The following SBK1 variants were observed in gnomAD, a reference collection of about 807,000 sequenced individuals.
SBK1 encodes the protein serine/threonine-protein kinase SBK1.
Under a neutral mutation model 24.4 loss-of-function variants are expected in SBK1, and 11 were observed. That is an observed-to-expected ratio of 0.45 (90% confidence interval 0.28 to 0.75). The LOEUF (loss-of-function observed/expected upper bound fraction) is 0.75. SBK1 is among the 30% of genes least tolerant of loss of function. The pLI is 0.12. For missense variants in SBK1, 467 were observed against 620.5 expected (o/e 0.75, Z 2.63); for synonymous variants, 308 against 284.4 (o/e 1.08, Z -0.83).
At chr16:28,283,917 A>G (rs1473394120) in intron 1 of SBK1, among the ~76,000 whole-genome samples, 1 of 151,750 alleles carries the variant, frequency 6.6e-6, no homozygotes, top group African/African-American at 2.4e-5. Flanking sequence ...GCTGGCATCC[A>G]GAGTGCTGCC....
intron 1 of SBK1, among the ~76,000 whole-genome samples, chr16:28,274,728 G>GA (rs963184904): frequency 8.7e-5 from 13 of 150,046 alleles, no homozygotes; most frequent in South Asian, 2.1e-4. Flanking sequence ...GCCTATTATT[G>GA]AAAAAAAAAG....
At chr16:28,288,591 T>C (rs117076928), upstream of SBK1, among the ~76,000 whole-genome samples, 5,841 of 152,364 alleles carry the variant, frequency 0.038, 187 homozygotes, top group Middle Eastern at 0.11. Context: ...CACCGTCGCC[T>C]TGGCAGGCCT....
chr16:28,304,600 G>T (rs931360005), intron 1 of SBK1, among the ~76,000 whole-genome samples: 1 of 151,964 alleles, frequency 6.6e-6, no homozygotes, highest in South Asian at 2.1e-4. Flanking sequence ...TAATTTTTTT[G>T]TTTGTTTGTT....
chr16:28,310,955 G>T (rs1027012836), intron 1 of SBK1, among the ~76,000 whole-genome samples: 3 of 152,204 alleles, frequency 2.0e-5, no homozygotes, highest in African/African-American at 7.2e-5. Flanking sequence ...CGCCACGTGC[G>T]CCGGAACTGG....
At chr16:28,313,757 G>A (rs80344878) in intron 1 of SBK1, among the ~76,000 whole-genome samples, 54 of 152,068 alleles carry the variant, frequency 3.6e-4, no homozygotes, top group East Asian at 1.6e-3. Flanking sequence ...ATGGAGCTCC[G>A]TTTGGGGCTG....
intron 1 of SBK1, among the ~76,000 whole-genome samples, chr16:28,316,995 C>T (rs1271795006): frequency 2.0e-5 from 3 of 152,256 alleles, no homozygotes; most frequent in Admixed American, 6.5e-5. Context: ...GCCTGGGCCA[C>T]ATAGTGGGAC....
At chr16:28,271,765 T>C (rs1252915232) in intron 1 of SBK1, among the ~76,000 whole-genome samples, 1 of 152,140 alleles carries the variant, frequency 6.6e-6, no homozygotes, top group Non-Finnish European at 1.5e-5. Flanking sequence ...TATAAACATG[T>C]AGGTAAACAA....
intron 1 of SBK1, among the ~76,000 whole-genome samples, chr16:28,271,420 G>A (rs2044464749): frequency 6.6e-6 from 1 of 152,092 alleles, no homozygotes; most frequent in African/African-American, 2.4e-5. Context: ...AGCTGGGCAT[G>A]GTGGCACACG....
chr16:28,265,748 C>T (rs914464779), intron 1 of SBK1, among the ~76,000 whole-genome samples: 14 of 151,526 alleles, frequency 9.2e-5, no homozygotes, highest in South Asian at 2.1e-4. Flanking sequence ...GTGAAGCAGG[C>T]GGATCACTTG....
intron 1 of SBK1, among the ~76,000 whole-genome samples, chr16:28,270,713 GTGCCC>G (rs977348809): frequency 3.1e-4 from 47 of 152,100 alleles, no homozygotes; most frequent in Non-Finnish European, 4.4e-4. Context: ...ATGAGCCACT[GTGCCC>G]AGCCCTCAGC....
At chr16:28,297,442 T>C (rs538887979) in intron 1 of SBK1, among the ~76,000 whole-genome samples, 1 of 152,324 alleles carries the variant, frequency 6.6e-6, no homozygotes, top group African/African-American at 2.4e-5. Context: ...GGCACAGCTC[T>C]AGAAGGGAGT....
intron 1 of SBK1, among the ~76,000 whole-genome samples, chr16:28,302,481 G>A (rs547599329): frequency 1.3e-5 from 2 of 152,338 alleles, no homozygotes; most frequent in East Asian, 3.9e-4. Flanking sequence ...GGGGCTCCCA[G>A]ATTCCTCCCC....
At chr16:28,276,885 T>C (rs532923481) in intron 1 of SBK1, among the ~76,000 whole-genome samples, 1 of 152,110 alleles carries the variant, frequency 6.6e-6, no homozygotes, top group South Asian at 2.1e-4. Context: ...AGGATGGTCT[T>C]GATCTCCTGA....
chr16:28,266,533 C>T (rs536201796), intron 1 of SBK1, among the ~76,000 whole-genome samples: 1 of 152,124 alleles, frequency 6.6e-6, no homozygotes, highest in Admixed American at 6.6e-5. Context: ...ACAGATCTCA[C>T]TGAGCTGAAA....
At position 28,309,764 on chromosome 16, in the gene SBK1, C is replaced by T. The variant is rs569189708; in HGVS notation, c.-7-7621C>T. ...AAATAAAATAATAGGAAGCACCCCC[C>T]CTTCTCAGGGGTTTTGTGAGGACTC... On this transcript the variant is annotated intron_variant, in intron 1 of 3. Transcript: ENST00000341901. Among the ~76,000 whole-genome samples, 190 of 152,248 alleles carry T rather than the reference C, an allele frequency of 1.2e-3. 7 individuals are homozygous for T. Among genetic ancestry groups the T allele is most frequent in the Middle Eastern group, 3.4e-3 (1 of 294 alleles).
intron 1 of SBK1, among the ~76,000 whole-genome samples, chr16:28,308,740 G>GGGGTGT (rs1555538285): frequency 2.8e-4 from 37 of 130,606 alleles, no homozygotes; most frequent in African/African-American, 6.7e-4. Flanking sequence ...CGTTCTTTGG[G>GGGGTGT]GTGTGTGTGT....
At position 28,320,066 on chromosome 16, in the gene SBK1, C is replaced by A; in HGVS notation, c.430-10C>A. The A allele has an allele frequency of 6.8e-7, 1 of 1,474,164 alleles. No individual in the cohort carries two copies. The highest frequency in any genetic ancestry group is 2.4e-5 in the Admixed American group (1 of 41,738). 91.3% of individuals were successfully genotyped at this position (1,474,164 alleles called of 1,614,324 possible). On this transcript the variant is annotated splice_polypyrimidine_tract_variant and intron_variant, in intron 3 of 3. Transcript: ENST00000341901. This position sits in a 1 kb window ranked among gnomAD's most constrained non-coding sequence, Gnocchi z 8.5. ...CTGGAAACAGCGCGGCTTCCCCCGG[C>A]CGCCCGCAGGTGGGGCTCCCTGAGG...
In SBK1 at chr16:28,319,231, G is replaced by C. The variant is rs757982338; in HGVS notation, c.429+34G>C. On this transcript the variant is annotated intron_variant, in intron 3 of 3. Transcript: ENST00000341901. This position sits in a 1 kb window ranked among gnomAD's most constrained non-coding sequence, Gnocchi z 4.0. ...GATGGTGGCATAGGGTGGGGAAAGGGTCTTCAGGGTCCCAGAGTGTGAGAG... is the reference window on the plus strand; with the variant it reads ...GATGGTGGCATAGGGTGGGGAAAGGCTCTTCAGGGTCCCAGAGTGTGAGAG... The C allele has an allele frequency of 5.5e-5, 85 of 1,541,422 alleles. No homozygotes were observed. The highest frequency in any genetic ancestry group is 2.3e-4 in the African/African-American group (17 of 73,444).
chr16:28,281,424 G>A (rs1057283738), intron 1 of SBK1, among the ~76,000 whole-genome samples: 1 of 152,116 alleles, frequency 6.6e-6, no homozygotes, highest in Non-Finnish European at 1.5e-5. Flanking sequence ...CGAGTCCCGG[G>A]ACACCAGGAC....
Sources: gnomAD v4.1 joint callset for allele counts (sites outside exome capture counted in the v4.1 genomes callset) on GRCh38, gnomAD v4.1.1 for gene constraint, Gnocchi (gnomAD v3.1) non-coding constraint, MANE v1.5 for transcripts, NCBI Gene and HGNC (gene_info 2026-07-23, HGNC 2026-07-21) for gene names.